Variants in ZBTB10 observed in about 807,000 individuals in gnomAD.
The protein encoded by ZBTB10 is zinc finger and BTB domain-containing protein 10.
A neutral mutation model predicts 76.4 loss-of-function variants in ZBTB10; 32 were observed. The observed-to-expected ratio is 0.42, with a 90% confidence interval of 0.32 to 0.56. ZBTB10 has a LOEUF of 0.56. Among genes scored for constraint, ZBTB10 ranks in the 20% least tolerant of loss-of-function variants. The pLI, the probability that ZBTB10 is intolerant of heterozygous loss-of-function variation, is 0.14. For missense variants in ZBTB10, 1,057 were observed against 1,098.5 expected (o/e 0.96, Z 0.53); for synonymous variants, 523 against 432.9 (o/e 1.21, Z -2.58).
intron 2 of ZBTB10, among the ~76,000 whole-genome samples, chr8:80,507,858 C>T (rs550312694): frequency 2.1e-3 from 324 of 152,272 alleles, no homozygotes; most frequent in Non-Finnish European, 3.7e-3. Flanking sequence ...CCTCAGCCTC[C>T]CAGAGTGCTG....
chr8:80,526,023 T>C lies in ZBTB10; in HGVS notation c.*6495T>C, dbSNP rs540938698. 2.0e-5 allele frequency: 3 copies of C among 152,148 alleles called. No individual in the cohort carries two copies. Among genetic ancestry groups the C allele is most frequent in the Admixed American group, 6.6e-5 (1 of 15,256 alleles). The allele number at this position is 152,148 out of a possible 1,614,324, so 9.4% of individuals were successfully genotyped here. A position where few individuals can be genotyped will look rare whatever the true frequency, so the allele number is the denominator to read the frequency against. ...ACCAAATCCAACCTACTGCAAATGT[T>C]ACTATGGAAATCTCAATGCAAAAGT... On this transcript the variant is annotated 3_prime_UTR_variant, in exon 6 of 6. Coordinates refer to ENST00000455036, the MANE Select transcript of ZBTB10 (RefSeq NM_001105539.3).
At position 80,499,843 on chromosome 8, in the gene ZBTB10, C is replaced by G. The variant is rs1675794631; in HGVS notation, c.1322C>G (p.Thr441Ser). The G allele has an allele frequency of 1.2e-6, 2 of 1,613,906 alleles. No individual in the cohort carries two copies. The highest frequency in any genetic ancestry group is 1.1e-5 in the South Asian group (1 of 91,076). ...AGCCAAAATGCCATTGAAGTTATGA[C>G]CGTGGCCAGCTATCTTCAAATGAGT... ...LTSQNAIEVM[T>S]VASYLQMSEV... Residue 441 changes from threonine to serine, a missense_variant, in exon 2 of 6, where the codon ACC (threonine) becomes AGC (serine). Physicochemically the swap from Thr to Ser is moderately conservative, Grantham distance 58 (BLOSUM62 1). Transcript: ENST00000455036.
intron 2 of ZBTB10, among the ~76,000 whole-genome samples, chr8:80,502,012 G>A (rs531653236): frequency 1.3e-5 from 2 of 152,034 alleles, no homozygotes; most frequent in South Asian, 2.1e-4. Context: ...TGGGTGTAGC[G>A]GTTGTTTGAT....
intron 2 of ZBTB10, among the ~76,000 whole-genome samples, chr8:80,512,356 C>T (rs868333447): frequency 3.9e-5 from 6 of 152,312 alleles, no homozygotes; most frequent in Middle Eastern, 3.4e-3. Context: ...ATAATTCCTT[C>T]TCTTCGCAGC....
Position 80,518,396 on chromosome 8 carries a change from G to A in ZBTB10, c.1961-7G>A. 6.5e-7 allele frequency: 1 copy of A among 1,547,064 alleles called. No homozygotes were observed. Among genetic ancestry groups the A allele is most frequent in the Non-Finnish European group, 8.7e-7 (1 of 1,145,976 alleles). The stretch of plus-strand genomic sequence containing the variant: ...CATTATTAATTCAGAATTTTTACTT[G>A]TACTAGGTACTTCACATGATTTCAA... On this transcript the variant is annotated splice_polypyrimidine_tract_variant and splice_region_variant and intron_variant, in intron 3 of 5. Coordinates refer to ENST00000455036, the MANE Select transcript of ZBTB10 (RefSeq NM_001105539.3).
chr8:80,516,386 TAAAC>T (rs1305229670), intron 3 of ZBTB10, among the ~76,000 whole-genome samples: 12 of 152,358 alleles, frequency 7.9e-5, no homozygotes, highest in African/African-American at 2.9e-4. Flanking sequence ...GCATGTGTCT[TAAAC>T]AATAGAAAAA....
intron 2 of ZBTB10, among the ~76,000 whole-genome samples, chr8:80,508,989 C>T (rs1458319823): frequency 6.6e-6 from 1 of 151,984 alleles, no homozygotes; most frequent in African/African-American, 2.4e-5. Context: ...GAAATAACAG[C>T]ACTTTGGAAT....
rs570724907 is a variant in ZBTB10, at chr8:80,520,264, A to C, written c.*736A>C. On this transcript the variant is annotated 3_prime_UTR_variant, in exon 6 of 6. Transcript: ENST00000455036. Reference sequence around the variant, plus strand: ...ATGATGTTATGAAGTTACCGTGGCGAAGTTGACAAATACCACTAAAATGAT... The same window carrying C: ...ATGATGTTATGAAGTTACCGTGGCGCAGTTGACAAATACCACTAAAATGAT... 3.9e-5 allele frequency: 6 copies of C among 152,588 alleles called. No individual in the cohort carries two copies. Among genetic ancestry groups the C allele is most frequent in the Non-Finnish European group, 8.8e-5 (6 of 67,942 alleles). 9.5% of individuals were successfully genotyped at this position (152,588 alleles called of 1,614,324 possible).
At chr8:80,489,737 C>T (rs76377481) in intron 1 of ZBTB10, among the ~76,000 whole-genome samples, 2,516 of 152,230 alleles carry the variant, frequency 0.017, 74 homozygotes, top group African/African-American at 0.058. Flanking sequence ...TTTAAATTCC[C>T]CCATCAATGT....
upstream of ZBTB10, chr8:80,486,224 T>G: frequency 9.5e-7 from 1 of 1,053,760 alleles, no homozygotes; most frequent in Non-Finnish European, 1.1e-6. Context: ...GGTCCGTTGT[T>G]CATTTGCCAT....
intron 3 of ZBTB10, 108 bp from the exon 4 acceptor site, chr8:80,518,295 A>C: frequency 9.2e-7 from 1 of 1,083,238 alleles, no homozygotes; most frequent in Non-Finnish European, 1.3e-6. Flanking sequence ...CATACTATGA[A>C]ATTCTATCAT....
intron 2 of ZBTB10, among the ~76,000 whole-genome samples, chr8:80,511,134 A>G (rs1035947562): frequency 1.3e-5 from 2 of 152,216 alleles, no homozygotes; most frequent in African/African-American, 4.8e-5. Context: ...TTTGTTTTTG[A>G]TATCAAGAAC....
intron 3 of ZBTB10, among the ~76,000 whole-genome samples, 179 bp from the exon 4 acceptor site, chr8:80,518,221 TTAA>T (rs1306053621): frequency 8.5e-5 from 13 of 152,108 alleles, no homozygotes; most frequent in African/African-American, 3.1e-4. Context: ...GGTATTTTGT[TTAA>T]TTGTGATAAT....
chr8:80,526,158 A>G lies in ZBTB10; in HGVS notation c.*6630A>G, dbSNP rs1816557687. The G allele has an allele frequency of 6.6e-6, 1 of 152,176 alleles. No homozygotes were observed. Among genetic ancestry groups the G allele is most frequent in the South Asian group, 2.1e-4 (1 of 4,826 alleles). The allele number at this position is 152,176 out of a possible 1,614,324, so 9.4% of individuals were successfully genotyped here. A position where few individuals can be genotyped will look rare whatever the true frequency, so the allele number is the denominator to read the frequency against. On this transcript the variant is annotated 3_prime_UTR_variant, in exon 6 of 6. Transcript: ENST00000455036. The stretch of plus-strand genomic sequence containing the variant: ...AATGTCTGGCATATACACCACTAAC[A>G]TTTAAATGCCCAACATTCGGTCTAT...
Position 80,487,392 on chromosome 8 carries a change from C to A in ZBTB10, c.582C>A (p.Gly194=). 1.3e-6 allele frequency: 2 copies of A among 1,532,896 alleles called. No individual in the cohort carries two copies. The highest frequency in any genetic ancestry group is 1.7e-4 in the Middle Eastern group (1 of 5,880). 95.0% of individuals were successfully genotyped at this position (1,532,896 alleles called of 1,614,324 possible). A position where few individuals can be genotyped will look rare whatever the true frequency, so the allele number is the denominator to read the frequency against. ...ACGAGGAGGAGGGGGCGAGCCTGGGCGACGGCAGCGGGGCGGAAGGCGGCA... is the reference window on the plus strand; with the variant it reads ...ACGAGGAGGAGGGGGCGAGCCTGGGAGACGGCAGCGGGGCGGAAGGCGGCA... ...TEDEEEGASL[G]DGSGAEGGSC... is the part of the protein sequence containing the mutation. Residue 194 remains glycine, a synonymous_variant, in exon 1 of 6, where the codon GGC becomes GGA. Coordinates refer to ENST00000455036, the MANE Select transcript of ZBTB10 (RefSeq NM_001105539.3).
chr8:80,498,758 A>T lies in ZBTB10; in HGVS notation c.973-736A>T, dbSNP rs73257161. Among the ~76,000 whole-genome samples the T allele has an allele frequency of 5.4e-3, 829 of 152,378 alleles. 8 individuals are homozygous for T. Among genetic ancestry groups the T allele is most frequent in the African/African-American group, 0.018 (747 of 41,602 alleles). ...TCACATAATTTTAATTGTGACGCCA[A>T]GTAGAACTATAATGAATACCTGTAT... On this transcript the variant is annotated intron_variant, in intron 1 of 5. Transcript: ENST00000455036.
In ZBTB10 at chr8:80,499,498, C is replaced by A; in HGVS notation, c.977C>A (p.Ser326Ter). ...ATGTTTTTTATCCAATTACAGGAGT[C>A]AGAAATACCATCAGAGGAGGGGTAC... Reference protein sequence around the residue: ...HKLHEANAQESEIPSEEGYCD... With the variant: ...HKLHEANAQE Residue 326 changes from serine (S) to a stop codon, truncating the protein, a stop_gained, in exon 2 of 6, where the codon TCA becomes TAA. Coordinates refer to ENST00000455036, the MANE Select transcript of ZBTB10 (RefSeq NM_001105539.3). LOFTEE classifies it high-confidence loss of function. 6.3e-7 allele frequency: 1 copy of A among 1,579,388 alleles called. No individual in the cohort carries two copies. Among genetic ancestry groups the A allele is most frequent in the South Asian group, 1.2e-5 (1 of 84,358 alleles).
chr8:80,499,063 T>C (rs1387364111), intron 1 of ZBTB10, among the ~76,000 whole-genome samples: 1 of 152,210 alleles, frequency 6.6e-6, no homozygotes, highest in Non-Finnish European at 1.5e-5. Context: ...TAGGGTGATA[T>C]GCCTAGCATA....
chr8:80,500,149 C>A lies in ZBTB10; in HGVS notation c.1628C>A (p.Ser543Tyr). ...GACAGTAGTTGGGTCCAGGATGGAT[C>A]TCCTGAAATGGCTGAAAATGAATCT... Reference protein sequence around the residue: ...MNDSSWVQDGSPEMAENESEG... With the variant: ...MNDSSWVQDGYPEMAENESEG... The change falls in exon 2 of 6, where the codon TCT (serine) becomes TAT (tyrosine). Residue 543 changes from serine (S) to tyrosine (Y), a missense_variant. Coordinates refer to ENST00000455036, the MANE Select transcript of ZBTB10 (RefSeq NM_001105539.3). 6.2e-7 allele frequency: 1 copy of A among 1,613,458 alleles called. No individual in the cohort carries two copies. The highest frequency in any genetic ancestry group is 1.1e-5 in the South Asian group (1 of 91,022).
Sources: allele counts gnomAD v4.1 joint callset (sites outside exome capture counted in the v4.1 genomes callset), GRCh38; gene constraint gnomAD v4.1.1; transcripts MANE v1.5; gene names NCBI Gene and HGNC (gene_info 2026-07-23, HGNC 2026-07-21).